The following PDSS2 variants were observed in gnomAD, a reference collection of about 807,000 sequenced individuals.
PDSS2 encodes decaprenyl diphosphate synthase subunit 2.
In PDSS2, 31 loss-of-function variants were observed where a neutral mutation model predicts 44.5. The observed-to-expected ratio is 0.70, with a 90% CI of 0.52 to 0.94. PDSS2 has a LOEUF of 0.94. PDSS2 is among the 40% of genes least tolerant of loss of function. PDSS2 has a pLI of 0.00. For synonymous variants in PDSS2, 157 were observed against 180.3 expected, an observed-to-expected ratio of 0.87 and a Z score of 1.03; for missense variants, 452 against 482.2, an observed-to-expected ratio of 0.94 and a Z score of 0.59.
At position 107,415,638 on chromosome 6, in the gene PDSS2, T is replaced by C. The variant is rs1347346846; in HGVS notation, c.296+43352A>G. Among the ~76,000 whole-genome samples, 4 of 152,312 alleles carry C rather than the reference T, an allele frequency of 2.6e-5. No homozygotes were observed. In the East Asian group the frequency reaches 7.7e-4, roughly 29 times the overall value. Reference sequence around the variant, plus strand: ...GTGGCTCCATCTAGAAGGTTGGATATATATTTAAGTTGTTCTACAGTTTTG... The same window carrying C: ...GTGGCTCCATCTAGAAGGTTGGATACATATTTAAGTTGTTCTACAGTTTTG... On this transcript the variant is annotated intron_variant, in intron 1 of 7. Coordinates refer to ENST00000369037, the MANE Select transcript of PDSS2 (RefSeq NM_020381.4).
intron 1 of PDSS2, among the ~76,000 whole-genome samples, chr6:107,338,705 G>T (rs1311429383): frequency 1.3e-5 from 2 of 152,150 alleles, no homozygotes; most frequent in Non-Finnish European, 2.9e-5. Flanking sequence ...GTGTTCTGAA[G>T]AGAGAAACAG....
intron 3 of PDSS2, among the ~76,000 whole-genome samples, chr6:107,261,354 T>G (rs1775216229): frequency 6.6e-6 from 1 of 152,162 alleles, no homozygotes; most frequent in Admixed American, 6.5e-5. Context: ...TTGGGAGATC[T>G]GGTAGTTTAA....
At chr6:107,323,701 C>G (rs1463662101) in intron 2 of PDSS2, among the ~76,000 whole-genome samples, 1 of 152,164 alleles carries the variant, frequency 6.6e-6, no homozygotes, top group Non-Finnish European at 1.5e-5. Flanking sequence ...GTGATTTGCA[C>G]AACTTCTATC....
intron 6 of PDSS2, among the ~76,000 whole-genome samples, chr6:107,202,446 GAA>G (rs1332989216): frequency 1.3e-5 from 2 of 152,106 alleles, no homozygotes; most frequent in Non-Finnish European, 2.9e-5. Flanking sequence ...GGGGATAACA[GAA>G]AGAAGGGTCA....
intron 7 of PDSS2, chr6:107,192,350 C>A: frequency 2.3e-5 from 12 of 514,136 alleles, no homozygotes; most frequent in South Asian, 1.6e-4. Flanking sequence ...CCTCTGAGAC[C>A]CCAAAAGCTG....
At chr6:107,240,292 C>T (rs1017816935) in intron 4 of PDSS2, among the ~76,000 whole-genome samples, 3 of 151,982 alleles carry the variant, frequency 2.0e-5, no homozygotes, top group Admixed American at 2.0e-4. Flanking sequence ...TACTGTGGTC[C>T]CAGCTATTCG....
intron 4 of PDSS2, among the ~76,000 whole-genome samples, chr6:107,233,690 G>A (rs1774128119): frequency 6.6e-6 from 1 of 152,058 alleles, no homozygotes; most frequent in African/African-American, 2.4e-5. Context: ...GTGTACAACT[G>A]TAGTCCTAGC....
intron 1 of PDSS2, among the ~76,000 whole-genome samples, chr6:107,398,624 A>AGACTGG (rs1160216647): frequency 1.3e-5 from 2 of 152,206 alleles, no homozygotes; most frequent in Admixed American, 1.3e-4. Flanking sequence ...TGGCTTTTCT[A>AGACTGG]GACTGGCCCT....
At chr6:107,244,442 A>G (rs1409012544) in intron 4 of PDSS2, among the ~76,000 whole-genome samples, 2 of 152,176 alleles carry the variant, frequency 1.3e-5, no homozygotes, top group Non-Finnish European at 2.9e-5. Context: ...ATCAGATATT[A>G]ACCTCCATCC....
At chr6:107,295,505 C>T (rs1415668933) in intron 2 of PDSS2, among the ~76,000 whole-genome samples, 9 of 152,132 alleles carry the variant, frequency 5.9e-5, no homozygotes, top group South Asian at 2.1e-4. Context: ...GTGTCCCCCG[C>T]GTTGGCTAAG....
rs1301544805 is a variant in PDSS2 at position 107,210,685 on chromosome 6, T to C, written c.877-115A>G. Reference sequence around the variant, plus strand: ...GAAATATGAAGCTTAAGGAATGCAGTTTTTAGATATACTTTAATAAACAAA... The same window carrying C: ...GAAATATGAAGCTTAAGGAATGCAGCTTTTAGATATACTTTAATAAACAAA... On this transcript the variant is annotated intron_variant, in intron 5 of 7. Coordinates refer to ENST00000369037, the MANE Select transcript of PDSS2 (RefSeq NM_020381.4). The C allele has an allele frequency of 4.2e-6, 3 of 719,634 alleles. No individual in the cohort carries two copies. The East Asian group carries it at 8.0e-5, about 19-fold the overall frequency. The allele number at this position is 719,634 out of a possible 1,614,324, so 44.6% of individuals were successfully genotyped here. A position where few individuals can be genotyped will look rare whatever the true frequency, so the allele number is the denominator to read the frequency against.
chr6:107,155,561 A>G (rs938441746), intron 7 of PDSS2, among the ~76,000 whole-genome samples: 5 of 151,246 alleles, frequency 3.3e-5, no homozygotes, highest in Non-Finnish European at 7.4e-5. Context: ...AAAGACACAT[A>G]GTATTAGATC....
intron 1 of PDSS2, among the ~76,000 whole-genome samples, chr6:107,448,354 G>T (rs924821680): frequency 2.6e-5 from 4 of 152,024 alleles, no homozygotes; most frequent in African/African-American, 7.2e-5. Flanking sequence ...TGAATGCTCT[G>T]CTGCTTAAAA....
intron 2 of PDSS2, among the ~76,000 whole-genome samples, chr6:107,318,541 T>G (rs1777276558): frequency 6.6e-6 from 1 of 152,064 alleles, no homozygotes; most frequent in African/African-American, 2.4e-5. Flanking sequence ...ATGAAAAAAT[T>G]TTCCTTATAT....
chr6:107,319,846 T>A (rs1021590901), intron 2 of PDSS2, among the ~76,000 whole-genome samples: 2 of 152,222 alleles, frequency 1.3e-5, no homozygotes, highest in African/African-American at 2.4e-5. Flanking sequence ...ACAATTCTGA[T>A]TTTTCAGCTT....
chr6:107,411,835 C>T (rs1780504166), intron 1 of PDSS2, among the ~76,000 whole-genome samples: 1 of 150,778 alleles, frequency 6.6e-6, no homozygotes, highest in Non-Finnish European at 1.5e-5. Flanking sequence ...TTTCTAGAAC[C>T]AATCCCTCAC....
chr6:107,176,340 C>A (rs1771784656), intron 7 of PDSS2, among the ~76,000 whole-genome samples: 1 of 151,932 alleles, frequency 6.6e-6, no homozygotes, highest in African/African-American at 2.4e-5. Context: ...TGCGCCCGGC[C>A]AAAACATGTC....
At chr6:107,408,660 G>A (rs1780397126) in intron 1 of PDSS2, among the ~76,000 whole-genome samples, 1 of 152,144 alleles carries the variant, frequency 6.6e-6, no homozygotes, top group Admixed American at 6.6e-5. Flanking sequence ...GTGGCAACCT[G>A]GAATGCTTCT....
chr6:107,316,497 T>A (rs143951084), intron 2 of PDSS2, among the ~76,000 whole-genome samples: 1,698 of 152,310 alleles, frequency 0.011, 16 homozygotes, highest in Middle Eastern at 0.037. Context: ...AGCTATTATA[T>A]ATGGCTATGG....
Sources: gnomAD v4.1 joint callset for allele counts (sites outside exome capture counted in the v4.1 genomes callset) on GRCh38, gnomAD v4.1.1 for gene constraint, MANE v1.5 for transcripts, NCBI Gene and HGNC (gene_info 2026-07-23, HGNC 2026-07-21) for gene names.